SLC24A2: variants seen among roughly 807,000 people sequenced by gnomAD.
SLC24A2 encodes sodium/potassium/calcium exchanger 2.
In SLC24A2, 36 loss-of-function variants were observed where a neutral mutation model predicts 62.0. That is an observed-to-expected ratio of 0.58 (90% CI 0.44 to 0.77). The LOEUF is 0.77. Among genes scored for constraint, SLC24A2 ranks in the 30% least tolerant of loss-of-function variants. SLC24A2 has a pLI of 0.00. For synonymous variants in SLC24A2, 358 were observed against 294.0 expected, an observed-to-expected ratio of 1.22 and a Z score of -2.23; for missense variants, 846 against 817.9, an observed-to-expected ratio of 1.03 and a Z score of -0.42.
the SLC24A2 span, among the ~76,000 whole-genome samples, chr9:19,965,979 G>T: frequency 3.3e-5 from 5 of 152,152 alleles, no homozygotes; most frequent in East Asian, 1.9e-4. Flanking sequence ...TATTTTACAT[G>T]AATTGATATT....
At chr9:20,161,340 T>G in the SLC24A2 span, among the ~76,000 whole-genome samples, 1 of 151,426 alleles carries the variant, frequency 6.6e-6, no homozygotes, top group Non-Finnish European at 1.5e-5. Flanking sequence ...ACATAAATTG[T>G]TTTAGAGCAC....
At chr9:20,053,833 T>C in the SLC24A2 span, among the ~76,000 whole-genome samples, 3 of 152,320 alleles carry the variant, frequency 2.0e-5, no homozygotes, top group East Asian at 1.9e-4. Context: ...ACCCCGTGTA[T>C]GGTATTTTGT....
intron 2 of SLC24A2, among the ~76,000 whole-genome samples, chr9:19,738,119 A>G (rs79688840): frequency 0.017 from 2,636 of 152,320 alleles, 71 homozygotes; most frequent in East Asian, 0.11. Flanking sequence ...ACTATACTTC[A>G]TTATGCAAGG....
chr9:19,849,741 C>T, the SLC24A2 span, among the ~76,000 whole-genome samples: 1 of 152,118 alleles, frequency 6.6e-6, no homozygotes, highest in Non-Finnish European at 1.5e-5. Context: ...CCTTCTAAGT[C>T]TGGAATGTTA....
the SLC24A2 span, among the ~76,000 whole-genome samples, chr9:20,172,053 C>A: frequency 5.9e-5 from 9 of 152,052 alleles, no homozygotes; most frequent in African/African-American, 1.7e-4. Context: ...AAATGAACTC[C>A]AAAAGGAGCC....
the SLC24A2 span, among the ~76,000 whole-genome samples, chr9:20,163,199 T>G: frequency 1.3e-5 from 2 of 152,162 alleles, no homozygotes; most frequent in African/African-American, 4.8e-5. Flanking sequence ...TTGTCCCTGT[T>G]TGCAGATGAC....
intron 2 of SLC24A2, among the ~76,000 whole-genome samples, chr9:19,733,082 CTTT>C (rs11317752): frequency 4.1e-5 from 6 of 146,984 alleles, no homozygotes; most frequent in Admixed American, 6.8e-5. Flanking sequence ...AGATGTGACT[CTTT>C]TTTTTTTTTT....
At chr9:20,204,802 G>A in the SLC24A2 span, among the ~76,000 whole-genome samples, 1 of 146,322 alleles carries the variant, frequency 6.8e-6, no homozygotes, top group African/African-American at 2.5e-5. Flanking sequence ...GGAATGCAGT[G>A]GCATAATCTT....
chr9:19,630,071 GGGTA>G (rs1336290628), intron 2 of SLC24A2, among the ~76,000 whole-genome samples: 2 of 152,202 alleles, frequency 1.3e-5, no homozygotes, highest in South Asian at 2.1e-4. Context: ...TAGATAGAAA[GGGTA>G]GGTAGTCATT....
intron 2 of SLC24A2, among the ~76,000 whole-genome samples, chr9:19,644,675 G>A (rs1173225160): frequency 6.6e-6 from 1 of 151,874 alleles, no homozygotes; most frequent in Non-Finnish European, 1.5e-5. Flanking sequence ...CTTGGCTTAT[G>A]TATATTTTCT....
chr9:19,742,775 C>T lies in SLC24A2; in HGVS notation c.930+43162G>A, dbSNP rs1007261126. 2.6e-5 allele frequency among the ~76,000 whole-genome samples: 4 copies of T among 152,146 alleles called. No individual in the cohort carries two copies. The East Asian group carries it at 7.7e-4, about 29-fold the overall frequency. On this transcript the variant is annotated intron_variant, in intron 2 of 10. Transcript: ENST00000341998. ...AAATCAATGAACTATCCCCTACCTC[C>T]ACATACATACACCTGTCCTCAGGAA...
the SLC24A2 span, among the ~76,000 whole-genome samples, chr9:19,868,618 T>C: frequency 6.6e-6 from 1 of 152,186 alleles, no homozygotes; most frequent in Non-Finnish European, 1.5e-5. Context: ...GTTCTGCTCA[T>C]TTTTTTACTT....
the SLC24A2 span, among the ~76,000 whole-genome samples, chr9:20,204,017 A>C: frequency 3.9e-5 from 6 of 152,252 alleles, no homozygotes; most frequent in African/African-American, 1.4e-4. Flanking sequence ...CAATATATTA[A>C]TACAAAAGAA....
chr9:19,823,263 A>G, the SLC24A2 span, among the ~76,000 whole-genome samples: 12 of 151,784 alleles, frequency 7.9e-5, no homozygotes, highest in East Asian at 1.5e-3. Context: ...CAAAGAATTT[A>G]TGAATACCCT....
At chr9:19,782,334 C>A (rs539503322) in intron 2 of SLC24A2, among the ~76,000 whole-genome samples, 1 of 152,188 alleles carries the variant, frequency 6.6e-6, no homozygotes, top group South Asian at 2.1e-4. Flanking sequence ...GAAGAGAGCC[C>A]CAAACATCTA....
chr9:20,153,769 C>T, the SLC24A2 span, among the ~76,000 whole-genome samples: 4 of 151,892 alleles, frequency 2.6e-5, no homozygotes, highest in Non-Finnish European at 5.9e-5. Context: ...AAAAGTATTG[C>T]AGGGCAAAAC....
chr9:20,112,397 T>G, the SLC24A2 span, among the ~76,000 whole-genome samples: 1 of 152,210 alleles, frequency 6.6e-6, no homozygotes, highest in Admixed American at 6.5e-5. Flanking sequence ...GTGCTATGTA[T>G]GCAGATAGAC....
chr9:19,542,750 A>G (rs551043915), intron 8 of SLC24A2, among the ~76,000 whole-genome samples: 2 of 152,190 alleles, frequency 1.3e-5, no homozygotes, highest in African/African-American at 2.4e-5. Flanking sequence ...ATTGATTTGC[A>G]TATGTTGAAC....
chr9:20,052,445 A>G, the SLC24A2 span, among the ~76,000 whole-genome samples: 3 of 152,196 alleles, frequency 2.0e-5, no homozygotes, highest in African/African-American at 7.2e-5. Flanking sequence ...AATTGCACCA[A>G]ATTAACACTG....
Sources: gnomAD v4.1 joint callset for allele counts (sites outside exome capture counted in the v4.1 genomes callset) on GRCh38, gnomAD v4.1.1 for gene constraint, MANE v1.5 for transcripts, NCBI Gene and HGNC (gene_info 2026-07-23, HGNC 2026-07-21) for gene names.